The following ZNF385B variants were observed in gnomAD, a reference collection of about 807,000 sequenced individuals.
ZNF385B encodes zinc finger protein 533.
A neutral mutation model predicts 39.2 loss-of-function variants in ZNF385B; 23 were observed. The ratio of observed to expected loss-of-function variants is 0.59; its 90% CI spans 0.42 to 0.83. The LOEUF (loss-of-function observed/expected upper bound fraction) is 0.83. Among genes scored for constraint, ZNF385B ranks in the 40% least tolerant of loss-of-function variants. The pLI is 0.00. For synonymous variants in ZNF385B, 205 were observed against 222.6 expected (o/e 0.92, Z 0.70); for missense variants, 552 against 598.9 (o/e 0.92, Z 0.82).
chr2:179,489,542 C>T (rs1559325099), intron 5 of ZNF385B, among the ~76,000 whole-genome samples: 2 of 152,140 alleles, frequency 1.3e-5, no homozygotes, highest in East Asian at 3.8e-4. Context: ...ACTTAAAATG[C>T]TATAGTTAAA....
chr2:179,652,310 A>G (rs369947555), intron 3 of ZNF385B, among the ~76,000 whole-genome samples: 11 of 152,296 alleles, frequency 7.2e-5, no homozygotes, highest in African/African-American at 2.4e-4. Flanking sequence ...GTCTAAAAAC[A>G]TACTTTCTTC....
chr2:179,601,847 GC>G (rs1688433996), intron 3 of ZNF385B, among the ~76,000 whole-genome samples: 1 of 152,030 alleles, frequency 6.6e-6, no homozygotes, highest in South Asian at 2.1e-4. Context: ...AACACCTTTT[GC>G]CCCAAATATG....
At position 179,657,046 on chromosome 2, in the gene ZNF385B, A is replaced by C. The variant is rs186890103; in HGVS notation, c.299-112077T>G. On this transcript the variant is annotated intron_variant, in intron 3 of 9. Transcript: ENST00000410066. Reference sequence around the variant, plus strand: ...TCCTGGTGTAAAATAGAAGCTCAGAAAGCCAGTTTGATAAGGGAAAGGAGA... The same window carrying C: ...TCCTGGTGTAAAATAGAAGCTCAGACAGCCAGTTTGATAAGGGAAAGGAGA... Among the ~76,000 whole-genome samples, 222 of 152,306 alleles carry C rather than the reference A, an allele frequency of 1.5e-3. 2 individuals are homozygous for C. The highest frequency in any genetic ancestry group is 1.8e-3 in the Non-Finnish European group (121 of 68,026).
intron 3 of ZNF385B, among the ~76,000 whole-genome samples, chr2:179,592,633 A>G (rs961490001): frequency 6.6e-6 from 1 of 152,184 alleles, no homozygotes; most frequent in African/African-American, 2.4e-5. Context: ...TTTTTTACAG[A>G]AAAGAATATA....
chr2:179,674,144 A>C (rs552929887), intron 3 of ZNF385B, among the ~76,000 whole-genome samples: 36 of 152,324 alleles, frequency 2.4e-4, no homozygotes, highest in African/African-American at 8.4e-4. Flanking sequence ...TTTGAAAAAA[A>C]GTATTTATCT....
chr2:179,800,487 G>T (rs965368856), intron 1 of ZNF385B, among the ~76,000 whole-genome samples: 1 of 152,002 alleles, frequency 6.6e-6, no homozygotes, highest in Non-Finnish European at 1.5e-5. Flanking sequence ...CTGCTTTAGG[G>T]ATTGCACATT....
At chr2:179,682,808 T>A (rs978038582) in intron 3 of ZNF385B, among the ~76,000 whole-genome samples, 1 of 152,066 alleles carries the variant, frequency 6.6e-6, no homozygotes, top group Non-Finnish European at 1.5e-5. Context: ...CCCCATGAGG[T>A]TGAATCCATA....
intron 3 of ZNF385B, among the ~76,000 whole-genome samples, chr2:179,710,231 A>G (rs974956324): frequency 6.6e-6 from 1 of 152,084 alleles, no homozygotes; most frequent in Admixed American, 6.6e-5. Flanking sequence ...CAAGGACTAG[A>G]TGCCACCCTT....
intron 3 of ZNF385B, among the ~76,000 whole-genome samples, chr2:179,676,182 G>A (rs10208354): frequency 0.49 from 74,146 of 150,750 alleles, 18,367 homozygotes; most frequent in East Asian, 0.73. Flanking sequence ...TCTACCTCCC[G>A]GGTTCATGCC....
At chr2:179,670,107 C>T (rs868103637) in intron 3 of ZNF385B, among the ~76,000 whole-genome samples, 1 of 151,670 alleles carries the variant, frequency 6.6e-6, no homozygotes, top group Non-Finnish European at 1.5e-5. Flanking sequence ...CTGGCTAACA[C>T]GGTGAAACCC....
chr2:179,586,374 A>C (rs961115242), intron 3 of ZNF385B, among the ~76,000 whole-genome samples: 2 of 152,124 alleles, frequency 1.3e-5, no homozygotes, highest in African/African-American at 4.8e-5. Flanking sequence ...TGCTTTTTAC[A>C]TTTTTATGTC....
intron 3 of ZNF385B, among the ~76,000 whole-genome samples, chr2:179,713,370 T>A (rs1700127333): frequency 6.6e-6 from 1 of 152,206 alleles, no homozygotes; most frequent in South Asian, 2.1e-4. Context: ...CTTCTTTAGT[T>A]CTTCAAATAC....
chr2:179,499,636 C>T (rs998564222), intron 5 of ZNF385B, among the ~76,000 whole-genome samples: 1 of 151,816 alleles, frequency 6.6e-6, no homozygotes, highest in African/African-American at 2.4e-5. Context: ...ATAGAAGGAA[C>T]ACACCTAATA....
intron 3 of ZNF385B, among the ~76,000 whole-genome samples, chr2:179,604,964 T>A (rs1688682658): frequency 6.6e-6 from 1 of 152,102 alleles, no homozygotes; most frequent in Non-Finnish European, 1.5e-5. Context: ...TTTCCCACAT[T>A]GCAAATTTTA....
rs535081878 is a variant in ZNF385B, at chr2:179,677,571, A to G, written c.298+91932T>C. Among the ~76,000 whole-genome samples the G allele has an allele frequency of 2.6e-5, 4 of 152,336 alleles. No homozygotes were observed. The South Asian group carries it at 8.3e-4, about 32-fold the overall frequency. On this transcript the variant is annotated intron_variant, in intron 3 of 9. Transcript: ENST00000410066. ...AATGCTTTCTCTGAGTTCTAGTGTT[A>G]CAATGGTAAATCAGAAAGGCAAATA... is the stretch of plus-strand genomic sequence containing the variant.
At chr2:179,682,827 C>A (rs1333865416) in intron 3 of ZNF385B, among the ~76,000 whole-genome samples, 1 of 152,144 alleles carries the variant, frequency 6.6e-6, no homozygotes, top group African/African-American at 2.4e-5. Flanking sequence ...TACTTCGGGT[C>A]TCTGAACTTC....
intron 3 of ZNF385B, among the ~76,000 whole-genome samples, chr2:179,562,091 A>C (rs1044385213): frequency 3.9e-5 from 6 of 152,190 alleles, no homozygotes; most frequent in African/African-American, 1.4e-4. Context: ...TTTACCTAGT[A>C]GTTATTCCCA....
At chr2:179,669,084 A>G in intron 3 of ZNF385B, among the ~76,000 whole-genome samples, 1 of 152,336 alleles carries the variant, frequency 6.6e-6, no homozygotes, top group Non-Finnish European at 1.5e-5. Context: ...TACTACTGTC[A>G]AAAAATACTT....
intron 6 of ZNF385B, among the ~76,000 whole-genome samples, chr2:179,475,897 A>G (rs1451458959): frequency 2.0e-5 from 3 of 150,598 alleles, no homozygotes; most frequent in Admixed American, 6.6e-5. Context: ...CACACTTGTA[A>G]TCCCAGCTAC....
Sources: gnomAD v4.1 joint callset for allele counts (sites outside exome capture counted in the v4.1 genomes callset) on GRCh38, gnomAD v4.1.1 for gene constraint, MANE v1.5 for transcripts, NCBI Gene and HGNC (gene_info 2026-07-23, HGNC 2026-07-21) for gene names.